The following PCDH15 variants were observed in gnomAD, a reference collection of about 807,000 sequenced individuals.
The protein encoded by PCDH15 is protocadherin related 15.
In PCDH15, 129 loss-of-function variants were observed where a neutral mutation model predicts 178.5. The observed-to-expected ratio is 0.72, with a 90% CI of 0.63 to 0.84. The LOEUF is 0.84. PCDH15 is among the 40% of genes least tolerant of loss of function. The pLI is 0.00. For synonymous variants in PCDH15, 800 were observed against 732.0 expected, an observed-to-expected ratio of 1.09 and a Z score of -1.50; for missense variants, 2,230 against 2,099.9, an observed-to-expected ratio of 1.06 and a Z score of -1.21.
chr10:54,936,170 CACTT>C (rs1407548805), intron 2 of PCDH15, among the ~76,000 whole-genome samples: 1 of 151,984 alleles, frequency 6.6e-6, no homozygotes, highest in Non-Finnish European at 1.5e-5. Flanking sequence ...TGGTTTCTCT[CACTT>C]AGTGTAATAT....
chr10:54,608,778 A>G (rs897461972), intron 2 of PCDH15, among the ~76,000 whole-genome samples: 12 of 152,086 alleles, frequency 7.9e-5, no homozygotes, highest in African/African-American at 2.6e-4. Context: ...AAATACAGTC[A>G]TTTGTTTTCC....
At chr10:54,447,861 A>G (rs2076238527) in intron 3 of PCDH15, among the ~76,000 whole-genome samples, 1 of 151,728 alleles carries the variant, frequency 6.6e-6, no homozygotes, top group Non-Finnish European at 1.5e-5. Context: ...TTGATTTGAC[A>G]AGAAAGACTG....
chr10:54,797,507 AACACAC>A (rs71014418), intron 1 of PCDH15, among the ~76,000 whole-genome samples: 16,733 of 145,150 alleles, frequency 0.12, 1,075 homozygotes, highest in East Asian at 0.24. Flanking sequence ...TTATTGTTGA[AACACAC>A]ACACACACAC....
rs190484354 is a variant in PCDH15 at position 54,236,472 on chromosome 10, G to A, written c.985+351C>T. 4.2e-4 allele frequency among the ~76,000 whole-genome samples: 64 copies of A among 151,924 alleles called. No individual in the cohort carries two copies. The East Asian group carries it at 9.5e-3, about 22-fold the overall frequency. On this transcript the variant is annotated intron_variant, in intron 9 of 37. Transcript: ENST00000644397. ...TAGTAACCAACCAAAGGTAAAACAC[G>A]TGTAAAATGTTTTTCATTTTATATT...
chr10:53,964,303 A>G (rs1397708170), intron 21 of PCDH15, among the ~76,000 whole-genome samples: 1 of 151,538 alleles, frequency 6.6e-6, no homozygotes, highest in Non-Finnish European at 1.5e-5. Context: ...GTAGCTGAGT[A>G]CCTTGAATGT....
intron 2 of PCDH15, chr10:54,528,385 T>C (rs767331430): frequency 1.3e-6 from 2 of 1,575,382 alleles, no homozygotes; most frequent in South Asian, 2.3e-5. Flanking sequence ...TTTGTCATCT[T>C]ACCCTCATAT....
chr10:55,244,277 T>C (rs1458222050), intron 1 of PCDH15, among the ~76,000 whole-genome samples: 1 of 152,070 alleles, frequency 6.6e-6, no homozygotes, highest in African/African-American at 2.4e-5. Flanking sequence ...AAGCTCATTC[T>C]TTAATACTTT....
At chr10:55,256,857 G>A (rs1842013286) in intron 1 of PCDH15, among the ~76,000 whole-genome samples, 2 of 152,180 alleles carry the variant, frequency 1.3e-5, no homozygotes, top group Admixed American at 6.5e-5. Context: ...GTCCCTGTCT[G>A]ACAGCTTTGA....
chr10:54,311,264 G>A (rs374802032), intron 8 of PCDH15, among the ~76,000 whole-genome samples: 53 of 152,074 alleles, frequency 3.5e-4, no homozygotes, highest in African/African-American at 1.1e-3. Flanking sequence ...CACAGTAAAC[G>A]CATAGAAAAT....
intron 1 of PCDH15, among the ~76,000 whole-genome samples, chr10:54,785,911 G>A (rs559358969): frequency 6.6e-6 from 1 of 151,984 alleles, no homozygotes; most frequent in South Asian, 2.1e-4. Flanking sequence ...CCTTCTCTCT[G>A]ATACGTTGTT....
At chr10:55,068,126 C>T (rs1233620143) in intron 2 of PCDH15, among the ~76,000 whole-genome samples, 1 of 151,898 alleles carries the variant, frequency 6.6e-6, no homozygotes, top group South Asian at 2.1e-4. Flanking sequence ...TTTGCCTGTA[C>T]TTTTGAGGTC....
At chr10:54,206,592 G>C (rs1034985863) in intron 10 of PCDH15, among the ~76,000 whole-genome samples, 18 of 151,962 alleles carry the variant, frequency 1.2e-4, no homozygotes, top group African/African-American at 4.1e-4. Context: ...CTATGAATTA[G>C]CCAACCAGAA....
intron 8 of PCDH15, among the ~76,000 whole-genome samples, chr10:54,309,195 C>T (rs1194566280): frequency 6.6e-6 from 1 of 151,782 alleles, no homozygotes; most frequent in Non-Finnish European, 1.5e-5. Context: ...GAATTATAAC[C>T]TGGGACTTTC....
chr10:53,831,325 T>G lies in PCDH15; in HGVS notation c.4192A>C (p.Ser1398Arg), dbSNP rs376146659. 9.9e-6 allele frequency: 16 copies of G among 1,614,056 alleles called. No individual in the cohort carries two copies. The highest frequency in any genetic ancestry group is 1.4e-5 in the Non-Finnish European group (16 of 1,180,026). ...TCCTTGAATACTTACTGTCTGTAGC[T>G]GACCAAAACCACCAAGATGGCAGGA... ...CIPAILVVLV[S>R]YRQFKVRQAE... is the part of the protein sequence containing the mutation. The change falls in exon 30 of 38, where the codon AGC (serine) becomes CGC (arginine). Residue 1398 changes from serine to arginine, a missense_variant. Physicochemically the swap from Ser to Arg is moderately radical, Grantham distance 110. Transcript: ENST00000644397.
At chr10:54,502,283 TAA>T (rs1187631039) in intron 3 of PCDH15, among the ~76,000 whole-genome samples, 1 of 152,144 alleles carries the variant, frequency 6.6e-6, no homozygotes, top group Non-Finnish European at 1.5e-5. Flanking sequence ...GCTTGGCACA[TAA>T]AGAGACTATA....
At chr10:54,239,956 GA>G (rs1264261132) in intron 8 of PCDH15, among the ~76,000 whole-genome samples, 1 of 151,908 alleles carries the variant, frequency 6.6e-6, no homozygotes, top group Admixed American at 6.6e-5. Context: ...TGACATTAAA[GA>G]ATACTAAAAA....
intron 2 of PCDH15, among the ~76,000 whole-genome samples, chr10:55,577,337 C>A (rs1204339526): frequency 1.3e-5 from 2 of 152,098 alleles, no homozygotes; most frequent in Non-Finnish European, 2.9e-5. Flanking sequence ...CATACACAAA[C>A]ATATAAAGGT....
intron 1 of PCDH15, among the ~76,000 whole-genome samples, chr10:55,183,836 T>A (rs1839720100): frequency 6.6e-6 from 1 of 151,954 alleles, no homozygotes; most frequent in East Asian, 1.9e-4. Context: ...TTGCCTTGCA[T>A]CACTTCTGTT....
At chr10:54,334,639 G>A (rs1263369400) in intron 6 of PCDH15, among the ~76,000 whole-genome samples, 1 of 151,592 alleles carries the variant, frequency 6.6e-6, no homozygotes, top group Non-Finnish European at 1.5e-5. Flanking sequence ...CTTTTCAGCT[G>A]TGATGACTAG....
Sources: gnomAD v4.1 joint callset for allele counts (sites outside exome capture counted in the v4.1 genomes callset) on GRCh38, gnomAD v4.1.1 for gene constraint, MANE v1.5 for transcripts, NCBI Gene and HGNC (gene_info 2026-07-23, HGNC 2026-07-21) for gene names.